Variants in KMT2C observed in about 807,000 individuals in gnomAD.
KMT2C encodes histone-lysine N-methyltransferase 2C.
KMT2C carries 88 observed loss-of-function variants against 507.9 expected under a neutral mutation model. That is an observed-to-expected ratio of 0.17 (90% confidence interval 0.15 to 0.21). KMT2C has a LOEUF of 0.21. KMT2C is among the 10% of genes least tolerant of loss of function. The pLI, the probability that KMT2C is intolerant of heterozygous loss-of-function variation, is 1.00. For missense variants in KMT2C, 4,954 were observed against 5,957.8 expected, an observed-to-expected ratio of 0.83 and a Z score of 5.55; for synonymous variants, 2,049 against 2,080.8, an observed-to-expected ratio of 0.98 and a Z score of 0.42.
At chr7:152,333,198 G>A (rs959841313) in intron 2 of KMT2C, among the ~76,000 whole-genome samples, 1 of 151,984 alleles carries the variant, frequency 6.6e-6, no homozygotes, top group Non-Finnish European at 1.5e-5. Context: ...CCATGCTGGA[G>A]TGCAGTAGTA....
chr7:152,147,259 G>A (rs1404178352), intron 52 of KMT2C, among the ~76,000 whole-genome samples: 1 of 151,976 alleles, frequency 6.6e-6, no homozygotes, highest in African/African-American at 2.4e-5. Flanking sequence ...TAACCATGGA[G>A]GTCCAAACTA....
In KMT2C at chr7:152,138,733, G is replaced by T; in HGVS notation, c.14643+63C>A. ...AAACAAGTGAGTAAGTGACCTGTGT[G>T]AGGAGGGAACTATTCGCCCAGGATC... On this transcript the variant is annotated intron_variant, in intron 58 of 58. Coordinates refer to ENST00000262189, the MANE Select transcript of KMT2C (RefSeq NM_170606.3). This position sits in a 1 kb window ranked among gnomAD's most constrained non-coding sequence, Gnocchi z 4.2. The T allele has an allele frequency of 1.0e-6, 1 of 990,942 alleles. No homozygotes were observed. Among genetic ancestry groups the T allele is most frequent in the Non-Finnish European group, 1.5e-6 (1 of 650,642 alleles). 61.4% of individuals were successfully genotyped at this position (990,942 alleles called of 1,614,324 possible).
In KMT2C at chr7:152,180,704, T is replaced by G. The variant is rs1439415925; in HGVS notation, c.7149+7A>C. 1 of 1,589,134 alleles carries G rather than the reference T, an allele frequency of 6.3e-7. No individual in the cohort carries two copies. Among genetic ancestry groups the G allele is most frequent in the Admixed American group, 1.7e-5 (1 of 58,332 alleles). On this transcript the variant is annotated splice_region_variant and intron_variant, in intron 36 of 58. Transcript: ENST00000262189. ...CATTTAAAACTGAGAACATACAATGTGTTTACCTGTCTCAATTTCTCTGTA... is the reference window on the plus strand; with the variant it reads ...CATTTAAAACTGAGAACATACAATGGGTTTACCTGTCTCAATTTCTCTGTA...
chr7:152,378,570 T>C lies in KMT2C; in HGVS notation c.162-19895A>G, dbSNP rs573502304. Among the ~76,000 whole-genome samples the C allele has an allele frequency of 2.6e-4, 40 of 152,350 alleles. 1 individual carries two copies. The South Asian group carries it at 7.5e-3, about 28-fold the overall frequency. On this transcript the variant is annotated intron_variant, in intron 1 of 58. Coordinates refer to ENST00000262189, the MANE Select transcript of KMT2C (RefSeq NM_170606.3). ...ATGCACTGGTAAACCAAAATATTTG[T>C]GTGCCTTGCTTTATGGTGATACTCA...
At position 152,162,134 on chromosome 7, in the gene KMT2C, T is replaced by C. The variant is rs762793049; in HGVS notation, c.11443A>G (p.Asn3815Asp). ...ACACTTACCAGTCCTTCAGCTGGGT[T>C]CTGCTTCTCAACTAGTTTATTATCC... ...TKDNKLVEKQNPAEGLQTLGA... is the reference protein window; with the variant it reads ...TKDNKLVEKQDPAEGLQTLGA... Residue 3815 changes from asparagine to aspartate, a missense_variant, in exon 43 of 59, where the codon AAC becomes GAC. This residue lies in a region of KMT2C where 801 missense variants were observed against 751.2 expected (regional missense o/e 1.07). Transcript: ENST00000262189. 4.8e-5 allele frequency: 75 copies of C among 1,565,018 alleles called. 1 individual carries two copies. The Middle Eastern group carries it at 3.0e-3, about 63-fold the overall frequency.
At chr7:152,340,072 C>G (rs1475269745) in intron 2 of KMT2C, among the ~76,000 whole-genome samples, 1 of 151,966 alleles carries the variant, frequency 6.6e-6, no homozygotes, top group African/African-American at 2.4e-5. Flanking sequence ...GAACCTCAAA[C>G]TCCTGGGCTG....
At chr7:152,201,517 G>A (rs1235952809) in intron 26 of KMT2C, among the ~76,000 whole-genome samples, 1 of 147,810 alleles carries the variant, frequency 6.8e-6, no homozygotes, top group Non-Finnish European at 1.5e-5. Flanking sequence ...TTTACAGAAG[G>A]ATCAATAGGA....
intron 2 of KMT2C, among the ~76,000 whole-genome samples, chr7:152,331,746 T>A: frequency 6.7e-6 from 1 of 149,806 alleles, no homozygotes; most frequent in East Asian, 2.0e-4. Context: ...CCTCCCGGGT[T>A]CAAGCAATTC....
intron 2 of KMT2C, among the ~76,000 whole-genome samples, chr7:152,331,797 C>T (rs1428783404): frequency 1.3e-5 from 2 of 151,722 alleles, no homozygotes; most frequent in African/African-American, 4.8e-5. Context: ...GACAGGCGCC[C>T]ACCACCATGC....
At chr7:152,180,397 T>G (rs1383582400) in intron 36 of KMT2C, among the ~76,000 whole-genome samples, 1 of 152,202 alleles carries the variant, frequency 6.6e-6, no homozygotes, top group East Asian at 1.9e-4. Context: ...AAATACCAGT[T>G]ACATTTAACT....
chr7:152,315,025 A>G, intron 4 of KMT2C, 113 bp downstream of exon 4: 1 of 846,832 alleles, frequency 1.2e-6, no homozygotes, highest in Non-Finnish European at 1.9e-6. Flanking sequence ...TGTGGAGAAC[A>G]GGAGAAACTG....
intron 1 of KMT2C, among the ~76,000 whole-genome samples, chr7:152,423,079 G>A (rs977139561): frequency 2.0e-5 from 3 of 151,746 alleles, no homozygotes; most frequent in East Asian, 1.9e-4. Context: ...GGTGGCTCAC[G>A]CCTGTAATTC....
intron 1 of KMT2C, among the ~76,000 whole-genome samples, chr7:152,379,362 A>C (rs1190545163): frequency 6.6e-6 from 1 of 151,804 alleles, no homozygotes; most frequent in Non-Finnish European, 1.5e-5. Flanking sequence ...ACATGGTGAA[A>C]CCCCATCTCT....
intron 1 of KMT2C, among the ~76,000 whole-genome samples, chr7:152,395,244 G>C (rs996239856): frequency 1.3e-5 from 2 of 152,034 alleles, no homozygotes; most frequent in Non-Finnish European, 2.9e-5. Context: ...GAGTGCAGTG[G>C]CGCAACCATG....
At chr7:152,288,564 T>TAA (rs369301866) in intron 6 of KMT2C, among the ~76,000 whole-genome samples, 211 of 151,372 alleles carry the variant, frequency 1.4e-3, no homozygotes, top group African/African-American at 4.7e-3. Flanking sequence ...ATTTTTTTTT[T>TAA]AAAAAAGACA....
Position 152,138,293 on chromosome 7 carries a change from T to G in KMT2C, c.14643+503A>C, listed in dbSNP as rs2090116104. 1 of 153,952 alleles carries G rather than the reference T, an allele frequency of 6.5e-6. No homozygotes were observed. Among genetic ancestry groups the G allele is most frequent in the African/African-American group, 2.4e-5 (1 of 41,468 alleles). 9.5% of individuals were successfully genotyped at this position (153,952 alleles called of 1,614,324 possible). A position where few individuals can be genotyped will look rare whatever the true frequency, so the allele number is the denominator to read the frequency against. On this transcript the variant is annotated intron_variant, in intron 58 of 58. Coordinates refer to ENST00000262189, the MANE Select transcript of KMT2C (RefSeq NM_170606.3). The surrounding 1 kb of genome is among the most constrained non-coding windows in gnomAD (Gnocchi z 4.2). ...TGAAGACAACAACCCACACCTGAAC[T>G]GCTGAAGAATGTGGCGATGTGGGCA...
At position 152,224,450 on chromosome 7, in the gene KMT2C, C is replaced by A; in HGVS notation, c.3143G>T (p.Gly1048Val). 5 of 1,611,060 alleles carry A rather than the reference C, an allele frequency of 3.1e-6. No individual in the cohort carries two copies. Among genetic ancestry groups the A allele is most frequent in the Non-Finnish European group, 4.2e-6 (5 of 1,179,108 alleles). ...DPPLQTVPKG[G>V]WKCKWCVWCR... ...CCTAGAGTACCATTTGCACTTCCAG[C>A]CTCCTTTGGGAACTGTCTGCAATGG... The change falls in exon 19 of 59, where the codon GGC (glycine) becomes GTC (valine). Residue 1048 changes from glycine to valine, a missense_variant. Physicochemically the swap from Gly to Val is moderately radical, Grantham distance 109. Around this residue, in one of 29 missense-constraint regions of KMT2C, gnomAD observed 52 missense variants for 162.4 expected, o/e 0.32. Coordinates refer to ENST00000262189, the MANE Select transcript of KMT2C (RefSeq NM_170606.3).
rs575109914 is a variant in KMT2C at position 152,421,808 on chromosome 7, A to G, written c.161+13818T>C. The stretch of plus-strand genomic sequence containing the variant: ...TACTATGCTCACTATCTGAGTGACA[A>G]AATGATTTGTGCTCTAAGCCTCAGC... On this transcript the variant is annotated intron_variant, in intron 1 of 58. Coordinates refer to ENST00000262189, the MANE Select transcript of KMT2C (RefSeq NM_170606.3). Among the ~76,000 whole-genome samples the G allele has an allele frequency of 1.4e-4, 22 of 152,290 alleles. No individual in the cohort carries two copies. The South Asian group carries it at 3.5e-3, about 24-fold the overall frequency.
At chr7:152,432,401 T>C (rs2097871174) in intron 1 of KMT2C, among the ~76,000 whole-genome samples, 1 of 152,274 alleles carries the variant, frequency 6.6e-6, no homozygotes, top group Non-Finnish European at 1.5e-5. Flanking sequence ...ATCTTTAATA[T>C]GTGCATATTC....
Sources: gnomAD v4.1 joint callset for allele counts (sites outside exome capture counted in the v4.1 genomes callset) on GRCh38, gnomAD v4.1.1 for gene constraint, gnomAD v4.1.1 regional missense constraint, Gnocchi (gnomAD v3.1) non-coding constraint, MANE v1.5 for transcripts, NCBI Gene and HGNC (gene_info 2026-07-23, HGNC 2026-07-21) for gene names.